Variants in CEMIP2 observed in about 807,000 individuals in gnomAD.
CEMIP2 encodes cell surface hyaluronidase CEMIP2.
A neutral mutation model predicts 146.9 loss-of-function variants in CEMIP2; 79 were observed. The ratio of observed to expected loss-of-function variants is 0.54; its 90% confidence interval spans 0.45 to 0.65. CEMIP2 has a LOEUF of 0.65. Ranked by LOEUF, CEMIP2 falls within the 30% of genes least tolerant of loss-of-function variation. The probability of loss-of-function intolerance (pLI) is 0.00; values close to 1 mark genes in which losing one functional copy is unlikely to be tolerated. For missense variants in CEMIP2, 1,596 were observed against 1,696.2 expected, an observed-to-expected ratio of 0.94 and a Z score of 1.04; for synonymous variants, 601 against 606.3, an observed-to-expected ratio of 0.99 and a Z score of 0.13.
In CEMIP2 at chr9:71,740,112, A is replaced by C; in HGVS notation, c.1155T>G (p.Thr385=). The C allele has an allele frequency of 6.2e-7, 1 of 1,614,012 alleles. No homozygotes were observed. Among genetic ancestry groups the C allele is most frequent in the Non-Finnish European group, 8.5e-7 (1 of 1,179,984 alleles). The change falls in exon 5 of 24, where the codon ACT becomes ACG. Residue 385 remains threonine, a synonymous_variant. Transcript: ENST00000377044. ...GKALAQREFY[T]VDGQKFSVTA... ...TCACAGAGAACTTCTGGCCATCCACAGTATAAAATTCTCTTTGGGCAAGAG... is the reference window on the plus strand; with the variant it reads ...TCACAGAGAACTTCTGGCCATCCACCGTATAAAATTCTCTTTGGGCAAGAG...
intron 2 of CEMIP2, among the ~76,000 whole-genome samples, chr9:71,747,203 T>C (rs1332980059): frequency 1.3e-5 from 2 of 150,452 alleles, no homozygotes; most frequent in African/African-American, 2.4e-5. Flanking sequence ...GATCAACCTA[T>C]GGCCAAGTAT....
intron 10 of CEMIP2, among the ~76,000 whole-genome samples, chr9:71,727,872 C>T (rs1823437065): frequency 6.6e-6 from 1 of 151,968 alleles, no homozygotes; most frequent in Non-Finnish European, 1.5e-5. Flanking sequence ...ACCAGCCTGG[C>T]CAATATGGTG....
intron 18 of CEMIP2, among the ~76,000 whole-genome samples, chr9:71,701,269 CTAATT>C (rs934880936): frequency 6.6e-6 from 1 of 152,076 alleles, no homozygotes; most frequent in African/African-American, 2.4e-5. Flanking sequence ...CCATGCACGG[CTAATT>C]TTTGTACTTT....
Position 71,685,807 on chromosome 9 carries a change from C to A in CEMIP2, c.3891G>T (p.Gln1297His), listed in dbSNP as rs1343026314. Residue 1297 changes from glutamine (Q) to histidine (H), a missense_variant, in exon 23 of 24, where the codon CAG becomes CAT. By Grantham distance (24) the Gln-to-His change is conservative. Coordinates refer to ENST00000377044, the MANE Select transcript of CEMIP2 (RefSeq NM_013390.3). Reference sequence around the variant, plus strand: ...GTACTAGTAAGTGTGAAATGTTTAACTGCTTTATTTCTCCTCTTGTGCTCA... The same window carrying A: ...GTACTAGTAAGTGTGAAATGTTTAAATGCTTTATTTCTCCTCTTGTGCTCA... ...VLLSTRGEIKQLNISHLLVPL... is the reference protein window; with the variant it reads ...VLLSTRGEIKHLNISHLLVPL... 6.2e-7 allele frequency: 1 copy of A among 1,614,050 alleles called. No homozygotes were observed. The highest frequency in any genetic ancestry group is 1.3e-5 in the African/African-American group (1 of 75,040).
intron 5 of CEMIP2, among the ~76,000 whole-genome samples, chr9:71,738,702 G>A (rs1004374777): frequency 6.6e-6 from 1 of 152,032 alleles, no homozygotes; most frequent in Non-Finnish European, 1.5e-5. Context: ...GCCAGGCATG[G>A]TGGTGGGTAC....
At chr9:71,697,874 G>C in intron 20 of CEMIP2, 111 bp downstream of exon 20, 1 of 1,084,260 alleles carries the variant, frequency 9.2e-7, no homozygotes, top group Non-Finnish European at 1.3e-6. Context: ...GAGATGCCAT[G>C]CAATGTCCAT....
chr9:71,749,964 A>AT, intron 2 of CEMIP2, 79 bp downstream of exon 2: 93 of 1,335,768 alleles, frequency 7.0e-5, no homozygotes, highest in Non-Finnish European at 8.3e-5. Flanking sequence ...ACTTAAGATA[A>AT]ATTTTTTTTT....
rs569954138 is a variant in CEMIP2, at chr9:71,712,273, A to G, written c.2592-13T>C. On this transcript the variant is annotated splice_polypyrimidine_tract_variant and intron_variant, in intron 15 of 23. Transcript: ENST00000377044. ...AATTGGGAACGTCCTGTGGAAATAC[A>G]AGATTTTGTTTAATGCATATGGGCT... The G allele has an allele frequency of 1.9e-6, 3 of 1,613,026 alleles. No homozygotes were observed. The highest frequency in any genetic ancestry group is 1.7e-4 in the Middle Eastern group (1 of 6,046).
chr9:71,715,237 CTTTTTTTTT>C (rs34322815), intron 14 of CEMIP2, 148 bp from the exon 15 acceptor site: 21 of 232,734 alleles, frequency 9.0e-5, no homozygotes, highest in East Asian at 1.2e-4. Flanking sequence ...TCAGAAACTG[CTTTTTTTTT>C]TTTTTTTTTT....
chr9:71,739,932 G>A, intron 5 of CEMIP2, 131 bp downstream of exon 5: 2 of 851,472 alleles, frequency 2.3e-6, no homozygotes, highest in Non-Finnish European at 3.5e-6. Flanking sequence ...GGAAAACTAA[G>A]TTTCAACTTC....
rs758654719 is a variant in CEMIP2, at chr9:71,697,988, C to A, written c.3594G>T (p.Arg1198=). The change falls in exon 20 of 24, where the codon CGG becomes CGT. Residue 1198 remains arginine (R), a synonymous_variant. Transcript: ENST00000377044. Reference sequence around the variant, plus strand: ...ACCACTTTTCATCCTTGTTTACCTGCCGAGTGCCACAGCCTTGACAGAGTC... The same window carrying A: ...ACCACTTTTCATCCTTGTTTACCTGACGAGTGCCACAGCCTTGACAGAGTC... ...LTGLCQGCGT[R]QVVFTSDPHK... 2.5e-6 allele frequency: 4 copies of A among 1,613,254 alleles called. No individual in the cohort carries two copies. In the Admixed American group the frequency reaches 5.0e-5, roughly 20 times the overall value.
intron 20 of CEMIP2, among the ~76,000 whole-genome samples, chr9:71,697,064 C>T (rs1822424582): frequency 6.6e-6 from 1 of 152,138 alleles, no homozygotes; most frequent in Non-Finnish European, 1.5e-5. Flanking sequence ...CAAATGTGAA[C>T]ATGTATCAGA....
At chr9:71,756,228 G>GGATAGATAGATAGATAGATAGA (rs55701944) in intron 1 of CEMIP2, among the ~76,000 whole-genome samples, 1 of 102,494 alleles carries the variant, frequency 9.8e-6, no homozygotes, top group Admixed American at 1.0e-4. Context: ...ATATATATAT[G>GGATAGATAGATAGATAGATAGA]TATATAGGTG....
At chr9:71,700,053 C>T (rs1822516296) in intron 19 of CEMIP2, among the ~76,000 whole-genome samples, 1 of 152,204 alleles carries the variant, frequency 6.6e-6, no homozygotes, top group African/African-American at 2.4e-5. Flanking sequence ...GCTGAAGGAA[C>T]ACGCTACCTG....
At chr9:71,760,788 A>T (rs1370063564) in intron 1 of CEMIP2, among the ~76,000 whole-genome samples, 1 of 152,242 alleles carries the variant, frequency 6.6e-6, no homozygotes, top group East Asian at 1.9e-4. Context: ...GAAGTAAAGA[A>T]CTAGAAGATA....
chr9:71,761,777 G>C (rs934608046), intron 1 of CEMIP2, among the ~76,000 whole-genome samples: 1 of 152,130 alleles, frequency 6.6e-6, no homozygotes, highest in Non-Finnish European at 1.5e-5. Flanking sequence ...AAAGAGTAGG[G>C]AGACAACACA....
chr9:71,751,231 T>C (rs1327615151), intron 1 of CEMIP2, among the ~76,000 whole-genome samples: 2 of 152,218 alleles, frequency 1.3e-5, no homozygotes, highest in Admixed American at 1.3e-4. Flanking sequence ...AAAAACTCTA[T>C]ATCCATTAAG....
chr9:71,760,827 C>T (rs1253412665), intron 1 of CEMIP2, among the ~76,000 whole-genome samples: 6 of 152,140 alleles, frequency 3.9e-5, no homozygotes, highest in South Asian at 2.1e-4. Context: ...TGTTCTTCAA[C>T]CCAGAAAATT....
At chr9:71,757,328 A>G (rs1564028434) in intron 1 of CEMIP2, among the ~76,000 whole-genome samples, 3 of 152,230 alleles carry the variant, frequency 2.0e-5, no homozygotes, top group African/African-American at 2.4e-5. Flanking sequence ...AGAGCCAAGA[A>G]GTTGGCACGA....
Sources: gnomAD v4.1 joint callset for allele counts (sites outside exome capture counted in the v4.1 genomes callset) on GRCh38, gnomAD v4.1.1 for gene constraint, MANE v1.5 for transcripts, NCBI Gene and HGNC (gene_info 2026-07-23, HGNC 2026-07-21) for gene names.